RALGPS1: variants seen among roughly 807,000 people sequenced by gnomAD.
RALGPS1 encodes the protein Ral GEF with PH domain and SH3 binding motif 1.
Under a neutral mutation model 78.8 loss-of-function variants are expected in RALGPS1, and 19 were observed. The ratio of observed to expected loss-of-function variants is 0.24; its 90% CI spans 0.17 to 0.35. The LOEUF is 0.35. Among genes scored for constraint, RALGPS1 ranks in the 10% least tolerant of loss-of-function variants. The pLI is 1.00. For missense variants in RALGPS1, 454 were observed against 688.3 expected, an observed-to-expected ratio of 0.66 and a Z score of 3.81; for synonymous variants, 228 against 256.3, an observed-to-expected ratio of 0.89 and a Z score of 1.06.
At chr9:126,979,792 CTG>C (rs2041071591) in intron 4 of RALGPS1, among the ~76,000 whole-genome samples, 2 of 152,284 alleles carry the variant, frequency 1.3e-5, no homozygotes, top group South Asian at 4.2e-4. Context: ...GTTTTCAAGA[CTG>C]TAGTTTGTAG....
chr9:126,976,464 T>G (rs1333645412), intron 3 of RALGPS1, among the ~76,000 whole-genome samples: 1 of 151,888 alleles, frequency 6.6e-6, no homozygotes, highest in Non-Finnish European at 1.5e-5. Context: ...ATAAACACAC[T>G]GTCTTATGTG....
chr9:127,146,314 A>G (rs1216472964), intron 8 of RALGPS1, among the ~76,000 whole-genome samples: 1 of 152,106 alleles, frequency 6.6e-6, no homozygotes, highest in Non-Finnish European at 1.5e-5. Context: ...CTGAGTGAGA[A>G]CATGCGGTAT....
At chr9:127,214,675 A>G in intron 17 of RALGPS1, 76 bp from the exon 18 acceptor site, 1 of 1,538,264 alleles carries the variant, frequency 6.5e-7, no homozygotes, top group South Asian at 1.3e-5. Flanking sequence ...CCGTGTTTAC[A>G]TTTCTCTTTA....
Position 127,212,183 on chromosome 9 carries a change from A to G in RALGPS1, c.1300A>G (p.Met434Val), listed in dbSNP as rs763525725. 2 of 1,613,876 alleles carry G rather than the reference A, an allele frequency of 1.2e-6. No homozygotes were observed. The highest frequency in any genetic ancestry group is 8.5e-7 in the Non-Finnish European group (1 of 1,179,918). The change falls in exon 15 of 19, where the codon ATG (methionine) becomes GTG (valine). Residue 434 changes from methionine (M) to valine (V), a missense_variant. Met to Val is a conservative substitution (Grantham distance 21). Transcript: ENST00000259351. This position sits in a 1 kb window ranked among gnomAD's most constrained non-coding sequence, Gnocchi z 6.0. Reference protein sequence around the residue: ...SLGNSAAVPTMEGPLRRKTLL... With the variant: ...SLGNSAAVPTVEGPLRRKTLL... ...GGGGAACTCCGCAGCTGTGCCCACC[A>G]TGGAGGGGCCTCTGAGAAGAAAAAC...
At chr9:127,015,335 A>G (rs879858489) in intron 4 of RALGPS1, among the ~76,000 whole-genome samples, 3 of 152,214 alleles carry the variant, frequency 2.0e-5, no homozygotes, top group Non-Finnish European at 2.9e-5. Context: ...GGGGGCAATC[A>G]TAGCCCTTCC....
chr9:127,132,717 G>A (rs1393602554), intron 8 of RALGPS1, among the ~76,000 whole-genome samples: 1 of 152,198 alleles, frequency 6.6e-6, no homozygotes, highest in Non-Finnish European at 1.5e-5. Context: ...CTTAACATGG[G>A]CCTCATTTCT....
chr9:127,000,534 C>CTTTTTTTTTTTTTTTTT (rs1163116649), intron 4 of RALGPS1, among the ~76,000 whole-genome samples: 1 of 33,338 alleles, frequency 3.0e-5, no homozygotes, highest in Non-Finnish European at 4.6e-5. Flanking sequence ...CTTGTCTTGT[C>CTTTTTTTTTTTTTTTTT]TTTTTTTTTT....
chr9:127,188,997 CAAAAAAAAAAAAAAAAAA>C (rs543909572), intron 11 of RALGPS1, among the ~76,000 whole-genome samples: 1 of 56,826 alleles, frequency 1.8e-5, no homozygotes, highest in African/African-American at 7.3e-5. Flanking sequence ...AAGACTGTCT[CAAAAAAAAAAAAAAAAAA>C]AAAAAAAAAA....
intron 14 of RALGPS1, among the ~76,000 whole-genome samples, chr9:127,202,807 A>G (rs2061707412): frequency 6.6e-6 from 1 of 152,194 alleles, no homozygotes; most frequent in Admixed American, 6.5e-5. Context: ...GTCCCTGGTC[A>G]GCAGTCTTCC....
chr9:127,133,981 C>T (rs563008199), intron 8 of RALGPS1, among the ~76,000 whole-genome samples: 1 of 150,342 alleles, frequency 6.7e-6, no homozygotes, highest in East Asian at 2.0e-4. Flanking sequence ...CCCAGTATCC[C>T]CTTAGTAAAT....
intron 8 of RALGPS1, among the ~76,000 whole-genome samples, chr9:127,102,909 C>A (rs763464750): frequency 2.6e-4 from 40 of 152,350 alleles, no homozygotes; most frequent in African/African-American, 9.1e-4. Context: ...AAACAGCACA[C>A]GCTCTGGAGG....
intron 8 of RALGPS1, among the ~76,000 whole-genome samples, chr9:127,127,264 G>A (rs1430324374): frequency 6.6e-6 from 1 of 152,172 alleles, no homozygotes; most frequent in African/African-American, 2.4e-5. Context: ...AAATGCTCTA[G>A]TATGCTTTCC....
At chr9:126,973,183 C>T (rs1215232197) in intron 3 of RALGPS1, among the ~76,000 whole-genome samples, 1 of 151,834 alleles carries the variant, frequency 6.6e-6, no homozygotes, top group African/African-American at 2.4e-5. Flanking sequence ...GCCTGGGCAA[C>T]AGAGCTAGAA....
At chr9:127,187,057 G>A (rs375775629) in intron 11 of RALGPS1, among the ~76,000 whole-genome samples, 29 of 152,282 alleles carry the variant, frequency 1.9e-4, no homozygotes, top group East Asian at 1.2e-3. Flanking sequence ...GAGCCTCCGC[G>A]TCTCACTGCA....
intron 8 of RALGPS1, among the ~76,000 whole-genome samples, chr9:127,144,207 C>G (rs1158014359): frequency 1.3e-5 from 2 of 152,226 alleles, no homozygotes; most frequent in African/African-American, 4.8e-5. Flanking sequence ...CCCCCTCTAA[C>G]AGTGCTTTTG....
At chr9:127,191,859 G>A (rs1024764560) in intron 11 of RALGPS1, among the ~76,000 whole-genome samples, 29 of 151,826 alleles carry the variant, frequency 1.9e-4, no homozygotes, top group African/African-American at 4.1e-4. Context: ...CACCACGCCC[G>A]GCTAATTTTT....
At chr9:127,101,670 G>A (rs138842763) in intron 8 of RALGPS1, among the ~76,000 whole-genome samples, 2 of 152,294 alleles carry the variant, frequency 1.3e-5, no homozygotes, top group Non-Finnish European at 2.9e-5. Flanking sequence ...CCTGCTTTGT[G>A]GGAAAGCCTG....
chr9:127,092,865 C>G (rs1445668927), intron 8 of RALGPS1, among the ~76,000 whole-genome samples: 1 of 152,050 alleles, frequency 6.6e-6, no homozygotes, highest in African/African-American at 2.4e-5. Context: ...ACAGGAGACT[C>G]AAGAAGGGGC....
chr9:127,162,032 A>G (rs1378958924), intron 8 of RALGPS1, among the ~76,000 whole-genome samples: 3 of 152,224 alleles, frequency 2.0e-5, no homozygotes, highest in African/African-American at 7.2e-5. Flanking sequence ...CTTTATCATC[A>G]CTTGACTGGT....
Sources: gnomAD v4.1 joint callset for allele counts (sites outside exome capture counted in the v4.1 genomes callset) on GRCh38, gnomAD v4.1.1 for gene constraint, Gnocchi (gnomAD v3.1) non-coding constraint, MANE v1.5 for transcripts, NCBI Gene and HGNC (gene_info 2026-07-23, HGNC 2026-07-21) for gene names.